Variants in NACC1 observed in about 807,000 individuals in gnomAD.
The protein encoded by NACC1 is nucleus accumbens-associated protein 1.
A neutral mutation model predicts 41.7 loss-of-function variants in NACC1; 6 were observed. The ratio of observed to expected loss-of-function variants is 0.14; its 90% CI spans 0.08 to 0.28. The LOEUF (loss-of-function observed/expected upper bound fraction) is 0.28. Ranked by LOEUF, NACC1 falls within the 10% of genes least tolerant of loss-of-function variation. NACC1 has a pLI of 1.00. For missense variants in NACC1, 434 were observed against 763.7 expected, an observed-to-expected ratio of 0.57 and a Z score of 5.09; for synonymous variants, 338 against 330.6, an observed-to-expected ratio of 1.02 and a Z score of -0.24.
In NACC1 at chr19:13,138,287, T is replaced by C; in HGVS notation, c.1465T>C (p.Tyr489His). ...VKVLKAEDDAYTTFISETGKI... is the reference protein window; with the variant it reads ...VKVLKAEDDAHTTFISETGKI... ...GGTGCTCAAGGCTGAGGATGACGCCTACACCACCTTCATCAGTGAAACGGG... is the reference window on the plus strand; with the variant it reads ...GGTGCTCAAGGCTGAGGATGACGCCCACACCACCTTCATCAGTGAAACGGG... Residue 489 changes from tyrosine (Y) to histidine (H), a missense_variant, in exon 6 of 6, where the codon TAC becomes CAC. Physicochemically the swap from Tyr to His is moderately conservative, Grantham distance 83. Transcript: ENST00000292431. This position sits in a 1 kb window ranked among gnomAD's most constrained non-coding sequence, Gnocchi z 5.7. 1 of 1,614,196 alleles carries C rather than the reference T, an allele frequency of 6.2e-7. No homozygotes were observed.
At chr19:13,117,877 T>C (rs1211263542), upstream of NACC1, among the ~76,000 whole-genome samples, 2 of 152,226 alleles carry the variant, frequency 1.3e-5, no homozygotes, top group Non-Finnish European at 2.9e-5. Flanking sequence ...ATAGTGTGTC[T>C]GTAGCAGTTC....
At position 13,136,742 on chromosome 19, in the gene NACC1, C is replaced by T. The variant is rs1214094478; in HGVS notation, c.1120+337C>T. Among the ~76,000 whole-genome samples, 1 of 152,202 alleles carries T rather than the reference C, an allele frequency of 6.6e-6. No homozygotes were observed. Among genetic ancestry groups the T allele is most frequent in the Non-Finnish European group, 1.5e-5 (1 of 68,036 alleles). Reference sequence around the variant, plus strand: ...AGTCACAGGGGCGAATGCCTGTAGTCCTAGCTACTCAGGAGGCTGAGGTGG... The same window carrying T: ...AGTCACAGGGGCGAATGCCTGTAGTTCTAGCTACTCAGGAGGCTGAGGTGG... On this transcript the variant is annotated intron_variant, in intron 3 of 5. Coordinates refer to ENST00000292431, the MANE Select transcript of NACC1 (RefSeq NM_052876.4). The surrounding 1 kb of genome is among the most constrained non-coding windows in gnomAD (Gnocchi z 5.5).
At chr19:13,128,161 C>T (rs1303907186) in intron 1 of NACC1, among the ~76,000 whole-genome samples, 2 of 152,078 alleles carry the variant, frequency 1.3e-5, no homozygotes, top group South Asian at 4.1e-4. Context: ...GGGGTGTGTG[C>T]GAGTCTGGCA....
rs762248857 is a variant in NACC1, at chr19:13,137,434, C to A, written c.1227-44C>A. On this transcript the variant is annotated intron_variant, in intron 4 of 5. Transcript: ENST00000292431. This position sits in a 1 kb window ranked among gnomAD's most constrained non-coding sequence, Gnocchi z 6.1. ...GTGGGGTTTCCCCATGTCCCCCCCA[C>A]CACCAACTTGAGCGCTGACTCCCTC... The A allele has an allele frequency of 1.9e-6, 3 of 1,611,426 alleles. No individual in the cohort carries two copies. Among genetic ancestry groups the A allele is most frequent in the Admixed American group, 1.7e-5 (1 of 59,858 alleles).
At position 13,140,978 on chromosome 19, in the gene NACC1, C is replaced by T. The variant is rs1478840532; in HGVS notation, c.*2572C>T. 6.6e-6 allele frequency: 1 copy of T among 152,506 alleles called. No individual in the cohort carries two copies. The highest frequency in any genetic ancestry group is 2.4e-5 in the African/African-American group (1 of 41,418). The allele number at this position is 152,506 out of a possible 1,614,324, so 9.4% of individuals were successfully genotyped here. ...CAGGACAGGCTGCCCACCCTGTCCA[C>T]GTGAAGTGCCAACGCCCTCCCCACC... On this transcript the variant is annotated 3_prime_UTR_variant, in exon 6 of 6. Transcript: ENST00000292431. This position sits in a 1 kb window ranked among gnomAD's most constrained non-coding sequence, Gnocchi z 4.0.
chr19:13,133,833 G>A (rs893161219), intron 1 of NACC1, among the ~76,000 whole-genome samples: 3 of 152,074 alleles, frequency 2.0e-5, no homozygotes, highest in Admixed American at 1.3e-4. Flanking sequence ...CTCTTTAACC[G>A]TTTGAGGAAC....
At chr19:13,121,619 T>C (rs192132235) in intron 1 of NACC1, among the ~76,000 whole-genome samples, 5 of 152,232 alleles carry the variant, frequency 3.3e-5, no homozygotes, top group Admixed American at 2.6e-4. Context: ...TGGCCCAACA[T>C]TGTCTGACCC....
rs1213062431 is a variant in NACC1, at chr19:13,136,967, C to G, written c.1121-304C>G. On this transcript the variant is annotated intron_variant, in intron 3 of 5. Coordinates refer to ENST00000292431, the MANE Select transcript of NACC1 (RefSeq NM_052876.4). The surrounding 1 kb of genome is among the most constrained non-coding windows in gnomAD (Gnocchi z 5.5). ...GCTTGGGCTCATCTCTAGCTGGTGA[C>G]AGCCAGCGTGCCCACCTCACACAGG... Among the ~76,000 whole-genome samples, 2 of 152,228 alleles carry G rather than the reference C, an allele frequency of 1.3e-5. No individual in the cohort carries two copies. Among genetic ancestry groups the G allele is most frequent in the Admixed American group, 1.3e-4 (2 of 15,288 alleles).
rs544190177 is a variant in NACC1 at position 13,138,468 on chromosome 19, C to T, written c.*62C>T. 21 of 1,581,430 alleles carry T rather than the reference C, an allele frequency of 1.3e-5. No individual in the cohort carries two copies. The African/African-American group carries it at 2.8e-4, about 21-fold the overall frequency. ...CCCAACACACACACACACCTGCCAT[C>T]TTGGTCATGAGCTACTGTCTGTCCC... On this transcript the variant is annotated 3_prime_UTR_variant, in exon 6 of 6. Transcript: ENST00000292431. This position sits in a 1 kb window ranked among gnomAD's most constrained non-coding sequence, Gnocchi z 5.7.
At chr19:13,117,463 G>A (rs1031835724), upstream of NACC1, 1 of 152,218 alleles carries the variant, frequency 6.6e-6, no homozygotes, top group Non-Finnish European at 1.5e-5. Flanking sequence ...TCGCTTTTGA[G>A]CCTGTGTTTA....
intron 1 of NACC1, among the ~76,000 whole-genome samples, chr19:13,126,130 G>A (rs918977198): frequency 1.3e-5 from 2 of 149,504 alleles, no homozygotes; most frequent in African/African-American, 5.0e-5. Flanking sequence ...CGCAACCTTC[G>A]CCTCCTGAGT....
chr19:13,123,240 C>T (rs574828054), intron 1 of NACC1, among the ~76,000 whole-genome samples: 1 of 152,286 alleles, frequency 6.6e-6, no homozygotes, highest in Non-Finnish European at 1.5e-5. Context: ...GCCACTGCTG[C>T]CCTGTCTTTT....
rs760978944 is a variant in NACC1 at position 13,125,412 on chromosome 19, CTTTTTTTTTTT to C, written c.-9+6970_-9+6980del. ...ACTGAATCAACTCCCGAAGGCCCCA[CTTTTTTTTTTT>C]TTTTTTTTTTTGGTGAGACGGAGAT... On this transcript the variant is annotated intron_variant, in intron 1 of 5. Coordinates refer to ENST00000292431, the MANE Select transcript of NACC1 (RefSeq NM_052876.4). 2.1e-4 allele frequency among the ~76,000 whole-genome samples: 21 copies of C among 100,308 alleles called. No homozygotes were observed. In the Admixed American group the frequency reaches 2.2e-3, roughly 11 times the overall value. The allele number at this position is 100,308 out of a possible 152,430, so 65.8% of individuals were successfully genotyped here. A position where few individuals can be genotyped will look rare whatever the true frequency, so the allele number is the denominator to read the frequency against.
At chr19:13,132,495 G>A (rs1568384768) in intron 1 of NACC1, 1 of 151,780 alleles carries the variant, frequency 6.6e-6, no homozygotes, top group Non-Finnish European at 1.5e-5. Flanking sequence ...TTTGAACCTG[G>A]TGAATGAATT....
At chr19:13,121,799 C>G (rs563625536) in intron 1 of NACC1, among the ~76,000 whole-genome samples, 2 of 152,204 alleles carry the variant, frequency 1.3e-5, no homozygotes, top group African/African-American at 2.4e-5. Context: ...GTTTCTCCTC[C>G]TAGGTTGCTC....
chr19:13,136,217 A>G lies in NACC1; in HGVS notation c.947-15A>G. 6.2e-7 allele frequency: 1 copy of G among 1,607,926 alleles called. No individual in the cohort carries two copies. Among genetic ancestry groups the G allele is most frequent in the Non-Finnish European group, 8.5e-7 (1 of 1,176,416 alleles). ...CTGCTCCTCCTGCCACTCGCGTGCC[A>G]CTCTCTCCCTGCAGCCGAGAAGGTG... On this transcript the variant is annotated splice_polypyrimidine_tract_variant and intron_variant, in intron 2 of 5. Transcript: ENST00000292431. This position sits in a 1 kb window ranked among gnomAD's most constrained non-coding sequence, Gnocchi z 5.5.
In NACC1 at chr19:13,137,603, G is replaced by A. The variant is rs181258080; in HGVS notation, c.1324+28G>A. On this transcript the variant is annotated intron_variant, in intron 5 of 5. Coordinates refer to ENST00000292431, the MANE Select transcript of NACC1 (RefSeq NM_052876.4). This position sits in a 1 kb window ranked among gnomAD's most constrained non-coding sequence, Gnocchi z 6.1. ...GAGTGTTGGCCCAGCTGGACGAGGC[G>A]TGGGCCCGGGGCACGCAGGTTGACG... is the stretch of plus-strand genomic sequence containing the variant. 1.6e-3 allele frequency: 2,468 copies of A among 1,536,924 alleles called. 3 individuals are homozygous for A. The highest frequency in any genetic ancestry group is 2.0e-3 in the Non-Finnish European group (2,271 of 1,137,088).
chr19:13,117,965 C>T (rs928082940), upstream of NACC1: 2 of 152,236 alleles, frequency 1.3e-5, no homozygotes, highest in Non-Finnish European at 2.9e-5. Context: ...CCACAATAAA[C>T]AGCAGTCATT....
chr19:13,121,175 A>G (rs528565801), intron 1 of NACC1, among the ~76,000 whole-genome samples: 1 of 152,192 alleles, frequency 6.6e-6, no homozygotes, highest in South Asian at 2.1e-4. Flanking sequence ...AGATCTGAAT[A>G]ATAATGTTAG....
Sources: allele counts gnomAD v4.1 joint callset (sites outside exome capture counted in the v4.1 genomes callset), GRCh38; gene constraint gnomAD v4.1.1; non-coding constraint Gnocchi (gnomAD v3.1); transcripts MANE v1.5; gene names NCBI Gene and HGNC (gene_info 2026-07-23, HGNC 2026-07-21).